RWDD1: variants seen among roughly 807,000 people sequenced by gnomAD.
RWDD1 encodes the protein RWD domain containing 1.
RWDD1 carries 17 observed loss-of-function variants against 31.6 expected under a neutral mutation model. That is an observed-to-expected ratio of 0.54 (90% CI 0.37 to 0.81). The LOEUF is 0.81. RWDD1 is among the 30% of genes least tolerant of loss of function. RWDD1 has a pLI of 0.00. For missense variants in RWDD1, 204 were observed against 274.5 expected, an observed-to-expected ratio of 0.74 and a Z score of 1.82; for synonymous variants, 78 against 94.2, an observed-to-expected ratio of 0.83 and a Z score of 0.99.
chr6:116,572,873 C>G (rs1295704821), intron 1 of RWDD1: 1 of 985,464 alleles, frequency 1.0e-6, no homozygotes, highest in East Asian at 1.1e-4. Context: ...TGTCTCTCAG[C>G]TATCCCTGTA....
chr6:116,572,996 A>G (rs549005134), intron 1 of RWDD1: 1 of 985,428 alleles, frequency 1.0e-6, no homozygotes, highest in African/African-American at 1.7e-5. Context: ...GTGAGTGTGT[A>G]TGGAGTCTGG....
intron 3 of RWDD1, 53 bp from the exon 4 acceptor site, chr6:116,588,789 T>G: frequency 7.5e-7 from 1 of 1,327,644 alleles, no homozygotes; most frequent in Non-Finnish European, 1.0e-6. Flanking sequence ...TATAAATGTA[T>G]GGACTTTTAT....
Position 116,596,787 on chromosome 6 carries a change from AAGGTATTTG to A in RWDD1, c.*3689_*3697del, listed in dbSNP as rs1775245370. 1 of 152,156 alleles carries A rather than the reference AAGGTATTTG, an allele frequency of 6.6e-6. No individual in the cohort carries two copies. The highest frequency in any genetic ancestry group is 2.1e-4 in the South Asian group (1 of 4,830). 9.4% of individuals were successfully genotyped at this position (152,156 alleles called of 1,614,324 possible). ...ATTAAGGTGAAAAGTTCATTCAATT[AAGGTATTTG>A]AGTGCTACTATGCGCCAGCCTTTCT... On this transcript the variant is annotated 3_prime_UTR_variant, in exon 7 of 7. Coordinates refer to ENST00000466444, the MANE Select transcript of RWDD1 (RefSeq NM_015952.4).
intron 1 of RWDD1, among the ~76,000 whole-genome samples, chr6:116,577,450 G>T (rs917365176): frequency 6.9e-6 from 1 of 144,410 alleles, no homozygotes; most frequent in African/African-American, 2.5e-5. Context: ...CTGTCTAGAT[G>T]ATCCCAAATT....
chr6:116,578,464 A>C (rs1774890233), intron 1 of RWDD1, among the ~76,000 whole-genome samples: 1 of 152,204 alleles, frequency 6.6e-6, no homozygotes, highest in Non-Finnish European at 1.5e-5. Context: ...ACCTGTTGTA[A>C]TTGAGTATTG....
chr6:116,573,196 G>C (rs1016826962), intron 1 of RWDD1, among the ~76,000 whole-genome samples: 3 of 152,086 alleles, frequency 2.0e-5, no homozygotes, highest in African/African-American at 7.2e-5. Flanking sequence ...GCTATCCCTC[G>C]CTAAATCCTA....
At chr6:116,575,605 A>T (rs376700662) in intron 1 of RWDD1, among the ~76,000 whole-genome samples, 14 of 152,316 alleles carry the variant, frequency 9.2e-5, no homozygotes, top group South Asian at 6.2e-4. Context: ...TTCTGTTTTT[A>T]AAAAATACTT....
intron 1 of RWDD1, 110 bp downstream of exon 1, chr6:116,571,765 C>G: frequency 1.1e-6 from 1 of 873,436 alleles, no homozygotes; most frequent in South Asian, 1.8e-5. Context: ...GACCTTGAGG[C>G]CGCGCGGCCA....
chr6:116,574,091 C>G (rs964820761), intron 1 of RWDD1: 1 of 525,366 alleles, frequency 1.9e-6, no homozygotes, highest in African/African-American at 2.1e-5. Flanking sequence ...CTCCTAACAA[C>G]TAGTCTTCCA....
At position 116,596,234 on chromosome 6, in the gene RWDD1, C is replaced by G. The variant is rs1345615203; in HGVS notation, c.*3133C>G. 6.6e-6 allele frequency: 1 copy of G among 152,166 alleles called. No homozygotes were observed. The highest frequency in any genetic ancestry group is 1.5e-5 in the Non-Finnish European group (1 of 68,032). The allele number at this position is 152,166 out of a possible 1,614,324, so 9.4% of individuals were successfully genotyped here. ...AAATGAGAGTCACACACTTCAAGAACTGTAGGAACTAATTTTAGAAAAAGA... is the reference window on the plus strand; with the variant it reads ...AAATGAGAGTCACACACTTCAAGAAGTGTAGGAACTAATTTTAGAAAAAGA... On this transcript the variant is annotated 3_prime_UTR_variant, in exon 7 of 7. Transcript: ENST00000466444.
intron 1 of RWDD1, among the ~76,000 whole-genome samples, chr6:116,577,661 C>T (rs969955992): frequency 6.6e-6 from 1 of 152,012 alleles, no homozygotes; most frequent in South Asian, 2.1e-4. Context: ...CTGCTATTCC[C>T]ATTGCTGCCG....
Position 116,593,261 on chromosome 6 carries a change from A to G in RWDD1, c.*160A>G, listed in dbSNP as rs951752414. The G allele has an allele frequency of 9.0e-6, 6 of 666,834 alleles. No individual in the cohort carries two copies. The African/African-American group carries it at 1.1e-4, about 12-fold the overall frequency. 41.3% of individuals were successfully genotyped at this position (666,834 alleles called of 1,614,324 possible). On this transcript the variant is annotated 3_prime_UTR_variant, in exon 7 of 7. Transcript: ENST00000466444. ...TTGAACTTAATAAACTGACCTTAAA[A>G]TTTCAAATATAAAATGTTCAAGGCT...
At chr6:116,576,727 G>C (rs1774852813) in intron 1 of RWDD1, among the ~76,000 whole-genome samples, 1 of 152,168 alleles carries the variant, frequency 6.6e-6, no homozygotes, top group Non-Finnish European at 1.5e-5. Flanking sequence ...GAAAATTTAG[G>C]AGTAATGACA....
chr6:116,595,967 A>C lies in RWDD1; in HGVS notation c.*2866A>C, dbSNP rs76772419. Reference sequence around the variant, plus strand: ...TAACATCTCATCAATTTAAAGGACAAGTTCACTGATCGTACTGTCATACTC... The same window carrying C: ...TAACATCTCATCAATTTAAAGGACACGTTCACTGATCGTACTGTCATACTC... On this transcript the variant is annotated 3_prime_UTR_variant, in exon 7 of 7. Transcript: ENST00000466444. 1 of 152,344 alleles carries C rather than the reference A, an allele frequency of 6.6e-6. No individual in the cohort carries two copies. The highest frequency in any genetic ancestry group is 1.9e-4 in the East Asian group (1 of 5,192). The allele number at this position is 152,344 out of a possible 1,614,324, so 9.4% of individuals were successfully genotyped here. A position where few individuals can be genotyped will look rare whatever the true frequency, so the allele number is the denominator to read the frequency against.
chr6:116,593,217 C>A lies in RWDD1; in HGVS notation c.*116C>A, dbSNP rs572634508. ...AAAAAATTATTTTCAGGAGAATATT[C>A]TTCTGATAGCTTTCATCATTGAACT... On this transcript the variant is annotated 3_prime_UTR_variant, in exon 7 of 7. Transcript: ENST00000466444. The A allele has an allele frequency of 1.2e-4, 119 of 985,804 alleles. No individual in the cohort carries two copies. The highest frequency in any genetic ancestry group is 1.5e-4 in the Non-Finnish European group (103 of 708,414). The allele number at this position is 985,804 out of a possible 1,614,324, so 61.1% of individuals were successfully genotyped here.
At position 116,595,624 on chromosome 6, in the gene RWDD1, G is replaced by A. The variant is rs1315409755; in HGVS notation, c.*2523G>A. 6.6e-6 allele frequency: 1 copy of A among 152,186 alleles called. No homozygotes were observed. Among genetic ancestry groups the A allele is most frequent in the African/African-American group, 2.4e-5 (1 of 41,438 alleles). 9.4% of individuals were successfully genotyped at this position (152,186 alleles called of 1,614,324 possible). Reference sequence around the variant, plus strand: ...CTAGGTTAAAAACAAACACAGATATGTTTATTCATTACTGTATCCCTGTAA... The same window carrying A: ...CTAGGTTAAAAACAAACACAGATATATTTATTCATTACTGTATCCCTGTAA... On this transcript the variant is annotated 3_prime_UTR_variant, in exon 7 of 7. Transcript: ENST00000466444.
At chr6:116,586,045 C>T (rs1775034431) in intron 3 of RWDD1, among the ~76,000 whole-genome samples, 1 of 152,126 alleles carries the variant, frequency 6.6e-6, no homozygotes, top group Admixed American at 6.5e-5. Flanking sequence ...ATTATTCAGT[C>T]TAAGTGAATT....
At chr6:116,573,316 A>G (rs1251753016) in intron 1 of RWDD1, among the ~76,000 whole-genome samples, 2 of 152,202 alleles carry the variant, frequency 1.3e-5, no homozygotes, top group Admixed American at 6.5e-5. Context: ...ATAGTTCGCT[A>G]TGTGAAATTC....
Position 116,590,411 on chromosome 6 carries a change from T to G in RWDD1, c.547+7T>G, listed in dbSNP as rs1562380390. 6.3e-7 allele frequency: 1 copy of G among 1,583,300 alleles called. No individual in the cohort carries two copies. On this transcript the variant is annotated splice_region_variant and intron_variant, in intron 5 of 6. Coordinates refer to ENST00000466444, the MANE Select transcript of RWDD1 (RefSeq NM_015952.4). ...GGAAAAAATAAATTAAGTGGTATGATTCCCCTGCCATTCCTGTTCTTCCTA... is the reference window on the plus strand; with the variant it reads ...GGAAAAAATAAATTAAGTGGTATGAGTCCCCTGCCATTCCTGTTCTTCCTA...
Sources: gnomAD v4.1 joint callset for allele counts (sites outside exome capture counted in the v4.1 genomes callset) on GRCh38, gnomAD v4.1.1 for gene constraint, MANE v1.5 for transcripts, NCBI Gene and HGNC (gene_info 2026-07-23, HGNC 2026-07-21) for gene names.